The following ZKSCAN3 variants were observed in gnomAD, a reference collection of about 807,000 sequenced individuals.
ZKSCAN3 encodes zinc finger protein with KRAB and SCAN domains 3.
In ZKSCAN3, 21 loss-of-function variants were observed where a neutral mutation model predicts 30.7. The ratio of observed to expected loss-of-function variants is 0.68; its 90% CI spans 0.49 to 0.99. The LOEUF (loss-of-function observed/expected upper bound fraction) is 0.99, where lower values mean the gene tolerates loss of function less well. Among genes scored for constraint, ZKSCAN3 ranks in the 50% least tolerant of loss-of-function variants. The pLI, the probability that ZKSCAN3 is intolerant of heterozygous loss-of-function variation, is 0.00. For synonymous variants in ZKSCAN3, 201 were observed against 246.7 expected, an observed-to-expected ratio of 0.81 and a Z score of 1.73; for missense variants, 507 against 647.1, an observed-to-expected ratio of 0.78 and a Z score of 2.35.
rs755864581 is a variant in ZKSCAN3, at chr6:28,366,054, C to G, written c.1386C>G (p.Ala462=). ...TTCAGGAACCTGAGCAGGGAGAGGCCTGGAAAAGTAGGATGGAAAGCCAGT... is the reference window on the plus strand; with the variant it reads ...TTCAGGAACCTGAGCAGGGAGAGGCGTGGAAAAGTAGGATGGAAAGCCAGT... ...KNVQEPEQGE[A]WKSRMESQLE... is the part of the protein sequence containing the mutation. Residue 462 remains alanine (A), a synonymous_variant, in exon 6 of 6, where the codon GCC becomes GCG. Transcript: ENST00000252211. 2.5e-6 allele frequency: 4 copies of G among 1,609,494 alleles called. No individual in the cohort carries two copies. The highest frequency in any genetic ancestry group is 3.4e-6 in the Non-Finnish European group (4 of 1,178,258).
At chr6:28,363,854 G>A (rs368378983) in intron 5 of ZKSCAN3, 39 bp downstream of exon 5, 75 of 1,606,344 alleles carry the variant, frequency 4.7e-5, no homozygotes, top group Non-Finnish European at 5.8e-5. Context: ...AAGGTTTCTT[G>A]GCATTCTTTG....
chr6:28,360,703 T>C (rs1439872331), intron 2 of ZKSCAN3: 1 of 985,344 alleles, frequency 1.0e-6, no homozygotes, highest in Non-Finnish European at 1.2e-6. Flanking sequence ...ACCAGGGTTC[T>C]TGACTTGGGT....
intron 3 of ZKSCAN3, 84 bp from the exon 4 acceptor site, chr6:28,363,219 A>T: frequency 8.3e-7 from 1 of 1,206,916 alleles, no homozygotes. Context: ...GGAATCTATT[A>T]ATCCAGTTAT....
At chr6:28,359,480 A>C in intron 1 of ZKSCAN3, 45 bp from the exon 2 acceptor site, 6 of 1,380,376 alleles carry the variant, frequency 4.3e-6, no homozygotes, top group Non-Finnish European at 5.9e-6. Flanking sequence ...GAGAGAAGGG[A>C]CTACTTGCAA....
intron 2 of ZKSCAN3, 109 bp from the exon 3 acceptor site, chr6:28,361,215 C>T (rs980680745): frequency 8.4e-6 from 10 of 1,193,612 alleles, no homozygotes; most frequent in East Asian, 7.8e-5. Flanking sequence ...TTGTTTTCTG[C>T]GTTAAATGAG....
Position 28,362,235 on chromosome 6 carries a change from A to G in ZKSCAN3, c.550+764A>G, listed in dbSNP as rs147495340. Among the ~76,000 whole-genome samples the G allele has an allele frequency of 4.4e-3, 666 of 152,338 alleles. 2 individuals are homozygous for G. The highest frequency in any genetic ancestry group is 0.016 in the African/African-American group (653 of 41,560). ...AGTGGAGCTTACATTTAAGTGAGGA[A>G]GATGGTAAATAAACACATTAATAAT... is the stretch of plus-strand genomic sequence containing the variant. On this transcript the variant is annotated intron_variant, in intron 3 of 5. Coordinates refer to ENST00000252211, the MANE Select transcript of ZKSCAN3 (RefSeq NM_024493.4).
intron 5 of ZKSCAN3, among the ~76,000 whole-genome samples, chr6:28,364,411 T>C (rs1174285456): frequency 6.6e-6 from 1 of 152,214 alleles, no homozygotes; most frequent in Non-Finnish European, 1.5e-5. Context: ...GTTGATGTCC[T>C]CCTGTTCCTA....
chr6:28,350,548 A>C (rs912390497), intron 1 of ZKSCAN3, among the ~76,000 whole-genome samples: 1 of 152,196 alleles, frequency 6.6e-6, no homozygotes, highest in African/African-American at 2.4e-5. Context: ...TATTTTGTAA[A>C]ATGGGGATAA....
At chr6:28,356,142 T>C (rs1765404771) in intron 1 of ZKSCAN3, 1 of 152,242 alleles carries the variant, frequency 6.6e-6, no homozygotes, top group Admixed American at 6.5e-5. Context: ...CCTTTGGTTG[T>C]CCGGTGTCCC....
chr6:28,368,086 G>C lies in ZKSCAN3; in HGVS notation c.*1801G>C, dbSNP rs1346021817. The C allele has an allele frequency of 7.2e-6, 1 of 139,044 alleles. No individual in the cohort carries two copies. Among genetic ancestry groups the C allele is most frequent in the African/African-American group, 2.7e-5 (1 of 36,504 alleles). The allele number at this position is 139,044 out of a possible 1,614,324, so 8.6% of individuals were successfully genotyped here. A position where few individuals can be genotyped will look rare whatever the true frequency, so the allele number is the denominator to read the frequency against. On this transcript the variant is annotated 3_prime_UTR_variant, in exon 6 of 6. Coordinates refer to ENST00000252211, the MANE Select transcript of ZKSCAN3 (RefSeq NM_024493.4). ...GATGTTCCCCTTCCTGTGTCCAAGTGTTCTCCTTATTCAATTCCCACCTAT... is the reference window on the plus strand; with the variant it reads ...GATGTTCCCCTTCCTGTGTCCAAGTCTTCTCCTTATTCAATTCCCACCTAT...
At chr6:28,360,140 TC>T in intron 2 of ZKSCAN3, 152 bp downstream of exon 2, 1 of 1,367,634 alleles carries the variant, frequency 7.3e-7, no homozygotes, top group Non-Finnish European at 1.0e-6. Context: ...GTCCCTGGAC[TC>T]CTTCTCAGAA....
chr6:28,354,027 T>C (rs1006425655), intron 1 of ZKSCAN3: 9 of 446,356 alleles, frequency 2.0e-5, no homozygotes, highest in African/African-American at 1.8e-4. Context: ...CTGTCTCGGC[T>C]GCCTCCTCCG....
Position 28,359,753 on chromosome 6 carries a change from A to G in ZKSCAN3, c.167A>G (p.Glu56Gly), listed in dbSNP as rs777812007. The G allele has an allele frequency of 1.7e-5, 28 of 1,613,990 alleles. No individual in the cohort carries two copies. Among genetic ancestry groups the G allele is most frequent in the African/African-American group, 1.3e-4 (10 of 74,906 alleles). ...RERFRGFRYP[E>G]AAGPREALSR... ...CGCTTCCGAGGCTTCCGCTACCCGG[A>G]GGCTGCAGGCCCCCGCGAGGCGCTG... The change falls in exon 2 of 6, where the codon GAG becomes GGG. Residue 56 changes from glutamate to glycine, a missense_variant. Transcript: ENST00000252211.
intron 5 of ZKSCAN3, 95 bp downstream of exon 5, chr6:28,363,910 T>C (rs1018117031): frequency 5.0e-5 from 74 of 1,483,720 alleles, no homozygotes; most frequent in Non-Finnish European, 4.6e-5. Context: ...AGCCCTGTTA[T>C]GTTTGGATTC....
rs1228021973 is a variant in ZKSCAN3 at position 28,359,859 on chromosome 6, G to A, written c.273G>A (p.Leu91=). ...AGCAGATCCTGGAGCTGCTGGTGCTGGAGCAGTTCCTGACCATCCTGCCGG... is the reference window on the plus strand; with the variant it reads ...AGCAGATCCTGGAGCTGCTGGTGCTAGAGCAGTTCCTGACCATCCTGCCGG... The part of the protein sequence containing the change: ...SKEQILELLV[L]EQFLTILPGN... Residue 91 remains leucine, a synonymous_variant, in exon 2 of 6, where the codon CTG becomes CTA. Transcript: ENST00000252211. 5 of 1,613,468 alleles carry A rather than the reference G, an allele frequency of 3.1e-6. No homozygotes were observed. The highest frequency in any genetic ancestry group is 4.2e-6 in the Non-Finnish European group (5 of 1,179,784).
intron 2 of ZKSCAN3, chr6:28,360,232 A>G (rs1765690809): frequency 1.5e-6 from 1 of 663,612 alleles, no homozygotes; most frequent in Non-Finnish European, 2.5e-6. Context: ...GCAAAGTATT[A>G]ACTTTGTATT....
chr6:28,365,706 G>A lies in ZKSCAN3; in HGVS notation c.1038G>A (p.Glu346=). The A allele has an allele frequency of 1.2e-6, 2 of 1,614,018 alleles. No individual in the cohort carries two copies. Among genetic ancestry groups the A allele is most frequent in the Non-Finnish European group, 1.7e-6 (2 of 1,179,932 alleles). ...GTGAGAAACCCTACGAATGTGAAGA[G>A]TGTGGCAAAGCCTTCATTGGGAGCT... is the stretch of plus-strand genomic sequence containing the variant. ...HTGEKPYECE[E]CGKAFIGSSA... Residue 346 remains glutamate, a synonymous_variant, in exon 6 of 6, where the codon GAG becomes GAA. Transcript: ENST00000252211.
In ZKSCAN3 at chr6:28,368,832, A is replaced by G. The variant is rs1457442279; in HGVS notation, c.*2547A>G. ...TGTAGAAATATGCTTTCATTATTGCATCTACTCACATTTCTCACTCGGTTT... is the reference window on the plus strand; with the variant it reads ...TGTAGAAATATGCTTTCATTATTGCGTCTACTCACATTTCTCACTCGGTTT... On this transcript the variant is annotated 3_prime_UTR_variant, in exon 6 of 6. Transcript: ENST00000252211. The G allele has an allele frequency of 6.5e-6, 1 of 154,556 alleles. No homozygotes were observed. The highest frequency in any genetic ancestry group is 1.5e-5 in the Non-Finnish European group (1 of 68,220). The allele number at this position is 154,556 out of a possible 1,614,324, so 9.6% of individuals were successfully genotyped here. A position where few individuals can be genotyped will look rare whatever the true frequency, so the allele number is the denominator to read the frequency against.
At chr6:28,360,684 G>GGAT in intron 2 of ZKSCAN3, 1 of 985,406 alleles carries the variant, frequency 1.0e-6, no homozygotes, top group Non-Finnish European at 1.2e-6. Flanking sequence ...TCTAAATGGT[G>GGAT]AGCTGGATAC....
Sources: gnomAD v4.1 joint callset for allele counts (sites outside exome capture counted in the v4.1 genomes callset) on GRCh38, gnomAD v4.1.1 for gene constraint, MANE v1.5 for transcripts, NCBI Gene and HGNC (gene_info 2026-07-23, HGNC 2026-07-21) for gene names.